The following ERBB4 variants were observed in gnomAD, a reference collection of about 807,000 sequenced individuals.
ERBB4 encodes the protein receptor tyrosine-protein kinase erbB-4.
Under a neutral mutation model 158.0 loss-of-function variants are expected in ERBB4, and 42 were observed. The observed-to-expected ratio is 0.27, with a 90% CI of 0.21 to 0.34. The LOEUF (loss-of-function observed/expected upper bound fraction) is 0.34, where lower values mean the gene tolerates loss of function less well. Ranked by LOEUF, ERBB4 falls within the 10% of genes least tolerant of loss-of-function variation. The pLI is 1.00. For missense variants in ERBB4, 1,333 were observed against 1,624.1 expected (o/e 0.82, Z 3.08); for synonymous variants, 583 against 558.7 (o/e 1.04, Z -0.61).
chr2:212,227,226 C>T (rs2083501744), intron 1 of ERBB4, among the ~76,000 whole-genome samples: 1 of 131,310 alleles, frequency 7.6e-6, no homozygotes, highest in Non-Finnish European at 1.6e-5. Context: ...GCATGGGCGA[C>T]AGAATGAGAC....
intron 1 of ERBB4, among the ~76,000 whole-genome samples, chr2:212,467,686 C>A (rs182008075): frequency 6.0e-4 from 91 of 152,330 alleles, no homozygotes; most frequent in Non-Finnish European, 6.2e-4. Context: ...TAGGGCAATG[C>A]AGAAGGGAAA....
intron 20 of ERBB4, among the ~76,000 whole-genome samples, chr2:211,542,814 T>C (rs1277163529): frequency 1.3e-5 from 2 of 151,952 alleles, no homozygotes; most frequent in Non-Finnish European, 2.9e-5. Context: ...AGTGATTTCT[T>C]TGGAGTTCCT....
intron 12 of ERBB4, among the ~76,000 whole-genome samples, chr2:211,695,396 C>CA (rs930695244): frequency 2.0e-5 from 3 of 151,790 alleles, no homozygotes; most frequent in Non-Finnish European, 4.4e-5. Flanking sequence ...TTCTTTGTGC[C>CA]AAAAAAATAT....
At chr2:211,754,368 C>G (rs1267897549) in intron 4 of ERBB4, among the ~76,000 whole-genome samples, 1 of 151,318 alleles carries the variant, frequency 6.6e-6, no homozygotes, top group Admixed American at 6.6e-5. Context: ...ATGTCTCAAC[C>G]TGGTACGTGA....
At chr2:211,926,039 G>A (rs1221395144) in intron 3 of ERBB4, among the ~76,000 whole-genome samples, 2 of 152,024 alleles carry the variant, frequency 1.3e-5, no homozygotes, top group Admixed American at 6.6e-5. Flanking sequence ...GATCTTTTGC[G>A]GAGGAAAAGA....
At chr2:211,500,950 TTTCTC>T (rs879399813) in intron 20 of ERBB4, among the ~76,000 whole-genome samples, 51 of 152,180 alleles carry the variant, frequency 3.4e-4, no homozygotes, top group African/African-American at 1.2e-3. Flanking sequence ...ACATTTTTCT[TTTCTC>T]TTCAAGTTTA....
At chr2:212,215,116 GC>G (rs1199297683) in intron 1 of ERBB4, among the ~76,000 whole-genome samples, 1 of 151,498 alleles carries the variant, frequency 6.6e-6, no homozygotes, top group African/African-American at 2.4e-5. Context: ...CTTTACAGGT[GC>G]TTGTATATCC....
intron 20 of ERBB4, among the ~76,000 whole-genome samples, chr2:211,465,005 G>T (rs1223282544): frequency 1.4e-5 from 2 of 145,282 alleles, no homozygotes; most frequent in Non-Finnish European, 3.0e-5. Context: ...TTGAGGCAAG[G>T]TCTTCCTCTG....
At chr2:212,132,707 T>C (rs759749086) in intron 1 of ERBB4, among the ~76,000 whole-genome samples, 2 of 152,114 alleles carry the variant, frequency 1.3e-5, no homozygotes, top group Non-Finnish European at 2.9e-5. Context: ...AGATGGCAGA[T>C]TGTGAGACTT....
At chr2:211,853,709 CT>C (rs2077776973) in intron 3 of ERBB4, among the ~76,000 whole-genome samples, 2 of 152,068 alleles carry the variant, frequency 1.3e-5, no homozygotes, top group Non-Finnish European at 2.9e-5. Flanking sequence ...AAAAACTCCC[CT>C]GCAATTATCA....
At chr2:211,670,379 G>A (rs571787685) in intron 14 of ERBB4, among the ~76,000 whole-genome samples, 61 of 152,184 alleles carry the variant, frequency 4.0e-4, no homozygotes, top group Non-Finnish European at 7.4e-4. Context: ...AAAGATTACT[G>A]ATTCTTTAAC....
chr2:212,185,976 A>G (rs2082007072), intron 1 of ERBB4, among the ~76,000 whole-genome samples: 1 of 152,186 alleles, frequency 6.6e-6, no homozygotes, highest in Non-Finnish European at 1.5e-5. Flanking sequence ...TTATCCTACA[A>G]CTTAAAGTAA....
At position 211,968,547 on chromosome 2, in the gene ERBB4, T is replaced by G. The variant is rs902371285; in HGVS notation, c.235-20931A>C. On this transcript the variant is annotated intron_variant, in intron 2 of 27. Transcript: ENST00000342788. ...ATCAGTTTCTTATTGCTTTAACAAC[T>G]ATTATTTAATCCAATTGTTGCAGAT... 2.6e-5 allele frequency among the ~76,000 whole-genome samples: 4 copies of G among 152,072 alleles called. No homozygotes were observed. In the South Asian group the frequency reaches 8.3e-4, roughly 31 times the overall value.
chr2:212,163,705 T>A (rs2081268941), intron 1 of ERBB4, among the ~76,000 whole-genome samples: 1 of 152,038 alleles, frequency 6.6e-6, no homozygotes, highest in Admixed American at 6.6e-5. Flanking sequence ...CAAATAAGAT[T>A]ATGGTGCTTT....
chr2:212,083,360 T>C (rs2078502961), intron 2 of ERBB4, among the ~76,000 whole-genome samples: 1 of 151,898 alleles, frequency 6.6e-6, no homozygotes, highest in Non-Finnish European at 1.5e-5. Flanking sequence ...GGGGTAATGA[T>C]AAATGGCAAC....
intron 8 of ERBB4, among the ~76,000 whole-genome samples, chr2:211,712,832 G>C (rs1365732563): frequency 1.3e-5 from 2 of 152,052 alleles, no homozygotes. Context: ...CAGAGAGGGA[G>C]AGAGAGAAAA....
At chr2:211,556,050 C>T (rs562869493) in intron 20 of ERBB4, among the ~76,000 whole-genome samples, 1 of 152,060 alleles carries the variant, frequency 6.6e-6, no homozygotes, top group Non-Finnish European at 1.5e-5. Flanking sequence ...GACCCAACTA[C>T]ATGCAATGAC....
At chr2:212,401,560 A>G (rs1042539557) in intron 1 of ERBB4, among the ~76,000 whole-genome samples, 9 of 152,124 alleles carry the variant, frequency 5.9e-5, no homozygotes, top group African/African-American at 2.2e-4. Flanking sequence ...GTACCAAGAA[A>G]TGACTGAACA....
At chr2:212,534,139 T>C (rs1348257769) in intron 1 of ERBB4, among the ~76,000 whole-genome samples, 1 of 152,228 alleles carries the variant, frequency 6.6e-6, no homozygotes, top group Admixed American at 6.5e-5. Context: ...TTTAAGAACA[T>C]GTTAACTTTT....
Sources: allele counts gnomAD v4.1 joint callset (sites outside exome capture counted in the v4.1 genomes callset), GRCh38; gene constraint gnomAD v4.1.1; transcripts MANE v1.5; gene names NCBI Gene and HGNC (gene_info 2026-07-23, HGNC 2026-07-21).